The following TGFB2 variants were observed in gnomAD, a reference collection of about 807,000 sequenced individuals.
TGFB2 encodes transforming growth factor beta 2, also known as transforming growth factor beta-2 proprotein.
In TGFB2, 13 loss-of-function variants were observed where a neutral mutation model predicts 42.7. The ratio of observed to expected loss-of-function variants is 0.30; its 90% CI spans 0.20 to 0.48. TGFB2 has a LOEUF of 0.48. Among genes scored for constraint, TGFB2 ranks in the 20% least tolerant of loss-of-function variants. The pLI, the probability that TGFB2 is intolerant of heterozygous loss-of-function variation, is 0.99. For synonymous variants in TGFB2, 193 were observed against 193.6 expected (o/e 1.00, Z 0.03); for missense variants, 390 against 517.5 (o/e 0.75, Z 2.39).
At chr1:218,416,691 G>A (rs966285765) in intron 2 of TGFB2, among the ~76,000 whole-genome samples, 3 of 152,242 alleles carry the variant, frequency 2.0e-5, no homozygotes, top group Middle Eastern at 3.4e-3. Context: ...TGGTCCCCCT[G>A]TTTCCACCCT....
intron 1 of TGFB2, among the ~76,000 whole-genome samples, chr1:218,355,782 T>C (rs1443125031): frequency 1.3e-5 from 2 of 152,248 alleles, no homozygotes; most frequent in African/African-American, 4.8e-5. Flanking sequence ...CTATTTTATG[T>C]GCCACTAACA....
chr1:218,375,457 A>C (rs1258977694), intron 1 of TGFB2, among the ~76,000 whole-genome samples: 1 of 151,042 alleles, frequency 6.6e-6, no homozygotes, highest in Non-Finnish European at 1.5e-5. Context: ...AAAACCCAAC[A>C]TTATTTCTTA....
chr1:218,423,386 G>A (rs1659518864), intron 2 of TGFB2, among the ~76,000 whole-genome samples: 2 of 152,150 alleles, frequency 1.3e-5, no homozygotes, highest in Admixed American at 6.5e-5. Flanking sequence ...GGGACCACAT[G>A]CTCAGCAAAT....
intron 2 of TGFB2, among the ~76,000 whole-genome samples, chr1:218,419,111 G>C (rs1244008037): frequency 6.6e-6 from 1 of 152,132 alleles, no homozygotes; most frequent in Non-Finnish European, 1.5e-5. Flanking sequence ...ACCCTGAGTA[G>C]AAGCCAAGTC....
At chr1:218,387,527 C>G (rs946270166) in intron 1 of TGFB2, among the ~76,000 whole-genome samples, 1 of 152,120 alleles carries the variant, frequency 6.6e-6, no homozygotes, top group African/African-American at 2.4e-5. Flanking sequence ...GGTAGTGTCT[C>G]TCCTAGCCTT....
intron 2 of TGFB2, among the ~76,000 whole-genome samples, chr1:218,425,520 C>A (rs1228987725): frequency 1.1e-4 from 17 of 152,080 alleles, no homozygotes; most frequent in Admixed American, 9.8e-4. Context: ...TCTTCTGTTT[C>A]TTTTAGAATG....
At chr1:218,361,938 TC>T (rs1657225231) in intron 1 of TGFB2, among the ~76,000 whole-genome samples, 1 of 152,198 alleles carries the variant, frequency 6.6e-6, no homozygotes, top group Non-Finnish European at 1.5e-5. Flanking sequence ...GCTTATAGAA[TC>T]CCCGCTGTTG....
intron 1 of TGFB2, among the ~76,000 whole-genome samples, chr1:218,359,839 A>G (rs1251551480): frequency 6.6e-6 from 1 of 152,182 alleles, no homozygotes; most frequent in African/African-American, 2.4e-5. Flanking sequence ...CATTTGTAAG[A>G]CATCTAATTT....
chr1:218,430,979 C>G (rs1016216195), intron 2 of TGFB2, among the ~76,000 whole-genome samples: 1 of 152,158 alleles, frequency 6.6e-6, no homozygotes. Context: ...TGATGGAAAG[C>G]AGCTGTTTCC....
rs773212379 is a variant in TGFB2, at chr1:218,346,955, GGGC to G, written c.258_260del (p.Ala88del). 8.7e-6 allele frequency: 14 copies of G among 1,613,914 alleles called. No individual in the cohort carries two copies. Among genetic ancestry groups the G allele is most frequent in the Non-Finnish European group, 1.2e-5 (14 of 1,179,986 alleles). ...TTGCTCCAGGAGAAGGCGAGCCGGA[GGGC>G]GGCCGCCTGCGAGCGCGAGAGGAGC... On this transcript the variant is annotated inframe_deletion, in exon 1 of 7. Transcript: ENST00000366930. The surrounding 1 kb of genome is among the most constrained non-coding windows in gnomAD (Gnocchi z 4.9).
At chr1:218,400,336 G>A (rs549592274) in intron 1 of TGFB2, among the ~76,000 whole-genome samples, 4 of 151,990 alleles carry the variant, frequency 2.6e-5, no homozygotes, top group Admixed American at 2.6e-4. Flanking sequence ...GTTTTTTTAT[G>A]TGCTGTTTGA....
chr1:218,420,375 CT>C (rs1441320996), intron 2 of TGFB2, among the ~76,000 whole-genome samples: 3 of 152,184 alleles, frequency 2.0e-5, no homozygotes, highest in Non-Finnish European at 4.4e-5. Flanking sequence ...CAGTTGAATC[CT>C]TTTCTCTTTT....
At chr1:218,366,760 G>A (rs889142674) in intron 1 of TGFB2, among the ~76,000 whole-genome samples, 1 of 152,204 alleles carries the variant, frequency 6.6e-6, no homozygotes, top group African/African-American at 2.4e-5. Context: ...CACTGCAGGT[G>A]CTTCTGACGT....
intron 2 of TGFB2, among the ~76,000 whole-genome samples, chr1:218,413,227 G>T (rs1659157631): frequency 6.6e-6 from 1 of 152,124 alleles, no homozygotes; most frequent in Admixed American, 6.6e-5. Flanking sequence ...ACAAAAATTA[G>T]CTGGGCGCGG....
At chr1:218,414,640 A>G (rs911614250) in intron 2 of TGFB2, among the ~76,000 whole-genome samples, 9 of 152,344 alleles carry the variant, frequency 5.9e-5, no homozygotes, top group Admixed American at 3.9e-4. Context: ...AGGTTATAAC[A>G]TTAGTCAGCA....
rs1427429622 is a variant in TGFB2, at chr1:218,442,571, T to C, written c.*1209T>C. On this transcript the variant is annotated 3_prime_UTR_variant, in exon 7 of 7. Transcript: ENST00000366930. ...TGAGTAAAGCCCCTATAGTTTGACT[T>C]GCACTACAAATGCATTTTTTTTTTA... The C allele has an allele frequency of 1.3e-5, 2 of 151,938 alleles. No individual in the cohort carries two copies. The highest frequency in any genetic ancestry group is 4.8e-5 in the African/African-American group (2 of 41,416). The allele number at this position is 151,938 out of a possible 1,614,324, so 9.4% of individuals were successfully genotyped here. A position where few individuals can be genotyped will look rare whatever the true frequency, so the allele number is the denominator to read the frequency against.
At chr1:218,407,634 G>A (rs1428293976) in intron 2 of TGFB2, among the ~76,000 whole-genome samples, 1 of 152,138 alleles carries the variant, frequency 6.6e-6, no homozygotes, top group Non-Finnish European at 1.5e-5. Flanking sequence ...GTACAATGAA[G>A]TATTCTTTCT....
At chr1:218,364,541 A>C (rs1333046464) in intron 1 of TGFB2, among the ~76,000 whole-genome samples, 1 of 152,164 alleles carries the variant, frequency 6.6e-6, no homozygotes, top group Non-Finnish European at 1.5e-5. Context: ...TTCACTGCAT[A>C]TTTTTGAGGC....
chr1:218,416,649 C>T (rs113438267), intron 2 of TGFB2, among the ~76,000 whole-genome samples: 314 of 152,264 alleles, frequency 2.1e-3, no homozygotes, highest in African/African-American at 5.8e-3. Context: ...AGTTCTTGTC[C>T]CTCACCTGGG....
Sources: gnomAD v4.1 joint callset for allele counts (sites outside exome capture counted in the v4.1 genomes callset) on GRCh38, gnomAD v4.1.1 for gene constraint, Gnocchi (gnomAD v3.1) non-coding constraint, MANE v1.5 for transcripts, NCBI Gene and HGNC (gene_info 2026-07-23, HGNC 2026-07-21) for gene names.